Variants in ARHGAP31 observed in about 807,000 individuals in gnomAD.
The protein encoded by ARHGAP31 is Rho GTPase activating protein 31.
Under a neutral mutation model 113.9 loss-of-function variants are expected in ARHGAP31, and 34 were observed. That is an observed-to-expected ratio of 0.30 (90% CI 0.23 to 0.40). The LOEUF is 0.40. Among genes scored for constraint, ARHGAP31 ranks in the 10% least tolerant of loss-of-function variants. ARHGAP31 has a pLI of 1.00. For synonymous variants in ARHGAP31, 650 were observed against 684.8 expected (o/e 0.95, Z 0.79); for missense variants, 1,548 against 1,767.1 (o/e 0.88, Z 2.22).
chr3:119,300,842 A>AAAAGAAAGAAAGAAAG (rs543721008), intron 1 of ARHGAP31, among the ~76,000 whole-genome samples: 17 of 139,038 alleles, frequency 1.2e-4, no homozygotes, highest in Non-Finnish European at 2.1e-4. Context: ...AAAAAAAAAA[A>AAAAGAAAGAAAGAAAG]AAAGAAAGAA....
In ARHGAP31 at chr3:119,415,604, G is replaced by T; in HGVS notation, c.3675G>T (p.Gly1225=). ...PLPSQSSGEN[G]VQPLERSQEG... is the part of the protein sequence containing the mutation. ...CCTCTCAGAGCTCAGGGGAGAATGG[G>T]GTTCAGCCTCTGGAGAGGAGCCAGG... Residue 1225 remains glycine (G), a synonymous_variant, in exon 12 of 12, where the codon GGG becomes GGT. Coordinates refer to ENST00000264245, the MANE Select transcript of ARHGAP31 (RefSeq NM_020754.4). 1 of 1,614,108 alleles carries T rather than the reference G, an allele frequency of 6.2e-7. No individual in the cohort carries two copies. Among genetic ancestry groups the T allele is most frequent in the Non-Finnish European group, 8.5e-7 (1 of 1,180,026 alleles).
intron 1 of ARHGAP31, among the ~76,000 whole-genome samples, chr3:119,337,355 G>C (rs768622092): frequency 1.3e-5 from 2 of 152,134 alleles, no homozygotes; most frequent in Admixed American, 6.5e-5. Context: ...TTTCCTCCCG[G>C]TGGCTTCATG....
chr3:119,298,164 G>A (rs2079549825), intron 1 of ARHGAP31, among the ~76,000 whole-genome samples: 1 of 152,080 alleles, frequency 6.6e-6, no homozygotes, highest in Admixed American at 6.5e-5. Context: ...GACTTGCCAA[G>A]AGCCTCTTGC....
intron 1 of ARHGAP31, among the ~76,000 whole-genome samples, chr3:119,295,770 G>A: frequency 6.6e-6 from 1 of 152,088 alleles, no homozygotes; most frequent in East Asian, 1.9e-4. Flanking sequence ...GGGGGAGTTG[G>A]GGATGGGGGA....
At chr3:119,356,112 T>C (rs2080155235) in intron 1 of ARHGAP31, among the ~76,000 whole-genome samples, 1 of 152,156 alleles carries the variant, frequency 6.6e-6, no homozygotes, top group South Asian at 2.1e-4. Flanking sequence ...ATTCGACAAT[T>C]TTCTTCAGAA....
intron 1 of ARHGAP31, among the ~76,000 whole-genome samples, chr3:119,364,106 G>T (rs373575512): frequency 7.2e-5 from 11 of 152,146 alleles, no homozygotes; most frequent in African/African-American, 2.4e-4. Context: ...GGAGAGAACA[G>T]CACAGCCAGA....
intron 3 of ARHGAP31, among the ~76,000 whole-genome samples, chr3:119,377,157 A>G (rs1473782555): frequency 6.6e-6 from 1 of 152,236 alleles, no homozygotes; most frequent in African/African-American, 2.4e-5. Context: ...CATCTACTAC[A>G]TACATTTGGC....
Position 119,401,849 on chromosome 3 carries a change from G to T in ARHGAP31, c.1097G>T (p.Arg366Leu). ...AAAGAAACCAAGGGAAATTTCAATCGAACAGTTACCACCGGTGGATTTTTC... is the reference window on the plus strand; with the variant it reads ...AAAGAAACCAAGGGAAATTTCAATCTAACAGTTACCACCGGTGGATTTTTC... ...EGKETKGNFN[R>L]TVTTGGFFIP... The change falls in exon 10 of 12, where the codon CGA becomes CTA. Residue 366 changes from arginine to leucine, a missense_variant. By Grantham distance (102) the Arg-to-Leu change is moderately radical. Coordinates refer to ENST00000264245, the MANE Select transcript of ARHGAP31 (RefSeq NM_020754.4). 5 of 1,613,844 alleles carry T rather than the reference G, an allele frequency of 3.1e-6. No individual in the cohort carries two copies. The highest frequency in any genetic ancestry group is 2.2e-5 in the East Asian group (1 of 44,886).
intron 1 of ARHGAP31, among the ~76,000 whole-genome samples, chr3:119,360,021 G>T (rs1302763107): frequency 6.6e-6 from 1 of 152,092 alleles, no homozygotes; most frequent in Non-Finnish European, 1.5e-5. Context: ...CAAACAAGAT[G>T]ATGAACATAT....
intron 1 of ARHGAP31, among the ~76,000 whole-genome samples, chr3:119,350,007 G>A (rs1488732068): frequency 6.6e-6 from 1 of 152,204 alleles, no homozygotes; most frequent in Non-Finnish European, 1.5e-5. Context: ...GCTAATAGAA[G>A]GGGATGAGAT....
chr3:119,346,541 G>C (rs770188209), intron 1 of ARHGAP31, among the ~76,000 whole-genome samples: 21 of 152,194 alleles, frequency 1.4e-4, no homozygotes, highest in Non-Finnish European at 2.8e-4. Context: ...CTGAGGTTAT[G>C]GGCAGTGTCT....
In ARHGAP31 at chr3:119,409,774, A is replaced by G. The variant is rs1383516243; in HGVS notation, c.1924A>G (p.Met642Val). The change falls in exon 11 of 12, where the codon ATG (methionine) becomes GTG (valine). Residue 642 changes from methionine (M) to valine (V), a missense_variant and splice_region_variant. Coordinates refer to ENST00000264245, the MANE Select transcript of ARHGAP31 (RefSeq NM_020754.4). ...ARAEAVLLHE[M>V]DEDDLANALI... ...AGCCGAAGCTGTGCTTCTCCATGAG[A>G]TGGTAAAGTGCATTCTCCACCTGCT... is the stretch of plus-strand genomic sequence containing the variant. 5 of 1,600,674 alleles carry G rather than the reference A, an allele frequency of 3.1e-6. No homozygotes were observed. The highest frequency in any genetic ancestry group is 1.1e-5 in the South Asian group (1 of 88,940).
chr3:119,385,155 T>C (rs1222945160), intron 6 of ARHGAP31, among the ~76,000 whole-genome samples: 1 of 152,128 alleles, frequency 6.6e-6, no homozygotes, highest in Non-Finnish European at 1.5e-5. Flanking sequence ...CTCAAACTCC[T>C]GACCTCAAGT....
chr3:119,384,918 T>C (rs1290320340), intron 6 of ARHGAP31, among the ~76,000 whole-genome samples: 1 of 151,174 alleles, frequency 6.6e-6, no homozygotes, highest in South Asian at 2.1e-4. Flanking sequence ...CCATATATGG[T>C]CTTTGGTGAC....
At chr3:119,393,329 T>C in intron 7 of ARHGAP31, 138 bp from the exon 8 acceptor site, 1 of 1,190,762 alleles carries the variant, frequency 8.4e-7, no homozygotes, top group Non-Finnish European at 1.2e-6. Flanking sequence ...AAGCTTACCT[T>C]GGATTTTAGA....
chr3:119,418,296 G>C lies in ARHGAP31; in HGVS notation c.*2032G>C, dbSNP rs2107649113. On this transcript the variant is annotated 3_prime_UTR_variant, in exon 12 of 12. Coordinates refer to ENST00000264245, the MANE Select transcript of ARHGAP31 (RefSeq NM_020754.4). ...TGTAAGAAAAAAGTCCTAGAATATAGTATTTTTCCCCAGGCCAGCAAAGTG... is the reference window on the plus strand; with the variant it reads ...TGTAAGAAAAAAGTCCTAGAATATACTATTTTTCCCCAGGCCAGCAAAGTG... The C allele has an allele frequency of 6.6e-6, 1 of 152,220 alleles. No individual in the cohort carries two copies. The highest frequency in any genetic ancestry group is 1.9e-4 in the East Asian group (1 of 5,180). 9.4% of individuals were successfully genotyped at this position (152,220 alleles called of 1,614,324 possible). A position where few individuals can be genotyped will look rare whatever the true frequency, so the allele number is the denominator to read the frequency against.
Position 119,294,761 on chromosome 3 carries a change from G to A in ARHGAP31, c.-144G>A. 1 of 779,196 alleles carries A rather than the reference G, an allele frequency of 1.3e-6. No individual in the cohort carries two copies. The highest frequency in any genetic ancestry group is 1.5e-5 in the South Asian group (1 of 68,256). 48.3% of individuals were successfully genotyped at this position (779,196 alleles called of 1,614,324 possible). A position where few individuals can be genotyped will look rare whatever the true frequency, so the allele number is the denominator to read the frequency against. ...GCGGCCCGCGGGGTCCATGCGCAGG[G>A]CCCCCAGCCCAAGTTCTTCCATCTT... On this transcript the variant is annotated 5_prime_UTR_variant, in exon 1 of 12. Coordinates refer to ENST00000264245, the MANE Select transcript of ARHGAP31 (RefSeq NM_020754.4).
intron 1 of ARHGAP31, among the ~76,000 whole-genome samples, chr3:119,309,733 C>G (rs1553758790): frequency 6.6e-6 from 1 of 151,996 alleles, no homozygotes; most frequent in South Asian, 2.1e-4. Context: ...GCATTCCAGC[C>G]TGAGACAGAG....
intron 1 of ARHGAP31, among the ~76,000 whole-genome samples, chr3:119,332,635 T>A (rs57190741): frequency 0.037 from 3,157 of 85,602 alleles, 42 homozygotes; most frequent in African/African-American, 0.05. Flanking sequence ...TCTCTCTCTC[T>A]CACACACACA....
Sources: allele counts gnomAD v4.1 joint callset (sites outside exome capture counted in the v4.1 genomes callset), GRCh38; gene constraint gnomAD v4.1.1; transcripts MANE v1.5; gene names NCBI Gene and HGNC (gene_info 2026-07-23, HGNC 2026-07-21).